The following MECOM variants were observed in gnomAD, a reference collection of about 807,000 sequenced individuals.
MECOM encodes the protein MDS1 and EVI1 complex locus, also known as histone-lysine N-methyltransferase MECOM.
In MECOM, 13 loss-of-function variants were observed where a neutral mutation model predicts 116.3. The observed-to-expected ratio is 0.11, with a 90% CI of 0.07 to 0.18. The LOEUF (loss-of-function observed/expected upper bound fraction) is 0.18, where lower values mean the gene tolerates loss of function less well. Ranked by LOEUF, MECOM falls within the 10% of genes least tolerant of loss-of-function variation. The pLI is 1.00. For missense variants in MECOM, 1,299 were observed against 1,509.0 expected (o/e 0.86, Z 2.31); for synonymous variants, 528 against 535.2 (o/e 0.99, Z 0.19).
At chr3:169,644,191 A>T (rs982580924) in intron 1 of MECOM, among the ~76,000 whole-genome samples, 4 of 152,118 alleles carry the variant, frequency 2.6e-5, no homozygotes, top group Admixed American at 2.6e-4. Context: ...GAGGCTAGAA[A>T]ATTCTACTCT....
chr3:169,528,110 C>T (rs1427221582), intron 1 of MECOM, among the ~76,000 whole-genome samples: 1 of 152,146 alleles, frequency 6.6e-6, no homozygotes, highest in Non-Finnish European at 1.5e-5. Flanking sequence ...ATTTTCTGAG[C>T]CAAACCCCTT....
chr3:169,476,303 TGAGCCCTG>T (rs1750365342), intron 1 of MECOM, among the ~76,000 whole-genome samples: 1 of 152,246 alleles, frequency 6.6e-6, no homozygotes, highest in East Asian at 1.9e-4. Context: ...AAATATTTAT[TGAGCCCTG>T]AAGATGATAA....
intron 2 of MECOM, among the ~76,000 whole-genome samples, chr3:169,323,072 A>G (rs1334752245): frequency 6.6e-6 from 1 of 151,900 alleles, no homozygotes; most frequent in Non-Finnish European, 1.5e-5. Context: ...TTTAGGAAAA[A>G]AAGAAATGGT....
At chr3:169,294,961 G>T (rs1577620948) in intron 2 of MECOM, among the ~76,000 whole-genome samples, 1 of 152,066 alleles carries the variant, frequency 6.6e-6, no homozygotes, top group Admixed American at 6.6e-5. Context: ...TCTGATAAAT[G>T]CTTTCTCGGT....
At chr3:169,321,848 G>A (rs1720918394) in intron 2 of MECOM, among the ~76,000 whole-genome samples, 1 of 152,240 alleles carries the variant, frequency 6.6e-6, no homozygotes, top group Admixed American at 6.5e-5. Context: ...GGAAAGGAAA[G>A]AGGAAAGACA....
At chr3:169,208,321 T>C (rs779853031) in intron 2 of MECOM, among the ~76,000 whole-genome samples, 4 of 148,398 alleles carry the variant, frequency 2.7e-5, no homozygotes, top group Non-Finnish European at 5.9e-5. Flanking sequence ...ATGTATTATA[T>C]TATATATATA....
intron 2 of MECOM, among the ~76,000 whole-genome samples, chr3:169,331,412 T>C (rs548363423): frequency 2.6e-4 from 39 of 152,236 alleles, no homozygotes; most frequent in Non-Finnish European, 5.3e-4. Context: ...TATATAAAGA[T>C]ACTTGTAATA....
chr3:169,448,468 C>A (rs2108651025), intron 1 of MECOM, among the ~76,000 whole-genome samples: 1 of 152,222 alleles, frequency 6.6e-6, no homozygotes, highest in South Asian at 2.1e-4. Context: ...ACAAATTTAT[C>A]CAACTAGGGG....
chr3:169,392,446 A>G (rs542244219), intron 1 of MECOM, among the ~76,000 whole-genome samples: 1 of 152,298 alleles, frequency 6.6e-6, no homozygotes, highest in South Asian at 2.1e-4. Flanking sequence ...TGTTGAGGTG[A>G]TAATCTTTGC....
chr3:169,402,914 G>A (rs1736121103), intron 1 of MECOM, among the ~76,000 whole-genome samples: 1 of 152,124 alleles, frequency 6.6e-6, no homozygotes, highest in South Asian at 2.1e-4. Context: ...TATTCCTCAG[G>A]AAAGGCTCCA....
intron 2 of MECOM, among the ~76,000 whole-genome samples, chr3:169,322,650 G>A (rs1721052945): frequency 6.6e-6 from 1 of 151,978 alleles, no homozygotes; most frequent in Non-Finnish European, 1.5e-5. Flanking sequence ...TATAAAGACA[G>A]CAAATGCCAA....
chr3:169,606,979 A>G (rs1768659034), intron 1 of MECOM, among the ~76,000 whole-genome samples: 2 of 152,234 alleles, frequency 1.3e-5, no homozygotes, highest in African/African-American at 4.8e-5. Context: ...CTCAAGTCGT[A>G]GTGTTATTAA....
At chr3:169,346,788 T>C (rs1333725070) in intron 2 of MECOM, among the ~76,000 whole-genome samples, 1 of 152,030 alleles carries the variant, frequency 6.6e-6, no homozygotes, top group Non-Finnish European at 1.5e-5. Context: ...GACTTCTATA[T>C]GCTGCTCTCA....
At chr3:169,341,545 TC>T (rs1724530195) in intron 2 of MECOM, among the ~76,000 whole-genome samples, 1 of 150,450 alleles carries the variant, frequency 6.6e-6, no homozygotes, top group South Asian at 2.1e-4. Flanking sequence ...ATCGAGACCA[TC>T]CTGGCCAACA....
In MECOM at chr3:169,116,388, A is replaced by G. The variant is rs772033452; in HGVS notation, c.1484T>C (p.Phe495Ser). The change falls in exon 8 of 17, where the codon TTT becomes TCT. Residue 495 changes from phenylalanine (F) to serine (S), a missense_variant. By Grantham distance (155) the Phe-to-Ser change is radical. Transcript: ENST00000651503. ...AGGCCTGTGGTACAAGCCGGAAGGAAACAGACCAGGGAAGCTAAAAGAAAA... is the reference window on the plus strand; with the variant it reads ...AGGCCTGTGGTACAAGCCGGAAGGAGACAGACCAGGGAAGCTAAAAGAAAA... ...PGFSFSFPGLFPSGLYHRPPL... is the reference protein window; with the variant it reads ...PGFSFSFPGLSPSGLYHRPPL... The G allele has an allele frequency of 6.2e-7, 1 of 1,614,212 alleles. No homozygotes were observed. The highest frequency in any genetic ancestry group is 1.1e-5 in the South Asian group (1 of 91,078).
At chr3:169,594,530 C>T (rs1416732905) in intron 1 of MECOM, among the ~76,000 whole-genome samples, 2 of 151,714 alleles carry the variant, frequency 1.3e-5, no homozygotes, top group African/African-American at 2.4e-5. Context: ...TGGGTGATTC[C>T]GATACAGGCT....
intron 1 of MECOM, among the ~76,000 whole-genome samples, chr3:169,558,701 A>T (rs1399274807): frequency 6.6e-6 from 1 of 152,126 alleles, no homozygotes; most frequent in African/African-American, 2.4e-5. Flanking sequence ...TGCTTTAATA[A>T]TTTTTTCAAT....
At chr3:169,096,749 T>C (rs1199329095) in intron 12 of MECOM, among the ~76,000 whole-genome samples, 6 of 152,168 alleles carry the variant, frequency 3.9e-5, no homozygotes, top group Non-Finnish European at 7.4e-5. Context: ...GTTGTCCTTA[T>C]GTGATGCCAG....
chr3:169,430,689 T>C (rs1741474327), intron 1 of MECOM, among the ~76,000 whole-genome samples: 1 of 152,210 alleles, frequency 6.6e-6, no homozygotes, highest in African/African-American at 2.4e-5. Flanking sequence ...TACCTGCTAG[T>C]TCCAATTGAT....
Sources: gnomAD v4.1 joint callset for allele counts (sites outside exome capture counted in the v4.1 genomes callset) on GRCh38, gnomAD v4.1.1 for gene constraint, MANE v1.5 for transcripts, NCBI Gene and HGNC (gene_info 2026-07-23, HGNC 2026-07-21) for gene names.